Variants in BLACAT1 observed in about 807,000 individuals in gnomAD.
BLACAT1 encodes the protein bladder cancer associated transcript 1.
chr1:205,452,441 G>C (rs1346165460), intron 1 of BLACAT1, among the ~76,000 whole-genome samples: 1 of 152,220 alleles, frequency 6.6e-6, no homozygotes, highest in Non-Finnish European at 1.5e-5. Context: ...GTCCAAGAAA[G>C]GAAAGAAGTA....
intron 1 of BLACAT1, among the ~76,000 whole-genome samples, chr1:205,443,270 A>G (rs1666326005): frequency 6.6e-6 from 1 of 152,204 alleles, no homozygotes; most frequent in Non-Finnish European, 1.5e-5. Flanking sequence ...GGTGCAGCTC[A>G]GGGTCTCTGG....
intron 1 of BLACAT1, among the ~76,000 whole-genome samples, chr1:205,443,346 A>G (rs74141211): frequency 0.02 from 3,033 of 152,038 alleles, 77 homozygotes; most frequent in African/African-American, 0.051. Flanking sequence ...TTCTTTCTTA[A>G]AAACAGCAGA....
chr1:205,436,555 C>T (rs3795552), downstream of BLACAT1: 7,105 of 152,228 alleles, frequency 0.047, 210 homozygotes, highest in Middle Eastern at 0.12. Flanking sequence ...GGCAGATACC[C>T]TTGTCAGCAA....
chr1:205,446,561 T>A (rs1213337285), intron 1 of BLACAT1, among the ~76,000 whole-genome samples: 1 of 152,226 alleles, frequency 6.6e-6, no homozygotes, highest in Non-Finnish European at 1.5e-5. Context: ...AACAACAGGA[T>A]TCCCGGGAGG....
chr1:205,440,071 G>A (rs1666267862), exon 2 of BLACAT1, among the ~76,000 whole-genome samples: 1 of 152,098 alleles, frequency 6.6e-6, no homozygotes, highest in African/African-American at 2.4e-5. Flanking sequence ...TGGCTTCTGA[G>A]GAGAGAAGAA....
At chr1:205,454,068 G>A (rs1385764152) in intron 1 of BLACAT1, among the ~76,000 whole-genome samples, 2 of 152,172 alleles carry the variant, frequency 1.3e-5, no homozygotes, top group East Asian at 3.9e-4. Flanking sequence ...CTTGGAGGAG[G>A]AGGCAGACAG....
At chr1:205,440,788 G>C (rs2102464538) in exon 2 of BLACAT1, 1 of 152,680 alleles carries the variant, frequency 6.5e-6, no homozygotes, top group South Asian at 2.1e-4. Flanking sequence ...CCTCGGGTGA[G>C]AGTCAGGCTG....
Position 205,441,184 on chromosome 1 carries a change from G to C in BLACAT1, c.-36-122C>G, listed in dbSNP as rs1666288198. 1 of 152,264 alleles carries C rather than the reference G, an allele frequency of 6.6e-6. No individual in the cohort carries two copies. The highest frequency in any genetic ancestry group is 1.5e-5 in the Non-Finnish European group (1 of 68,128). The allele number at this position is 152,264 out of a possible 1,614,324, so 9.4% of individuals were successfully genotyped here. On this transcript the variant is annotated intron_variant, in intron 1 of 1. Transcript: ENST00000629624. This position sits in a 1 kb window ranked among gnomAD's most constrained non-coding sequence, Gnocchi z 4.3. Reference sequence around the variant, plus strand: ...CCAGTCATTGCCACTCCCTGAGGCGGCCCGCTAGGTCTCTCACACCGGCTG... The same window carrying C: ...CCAGTCATTGCCACTCCCTGAGGCGCCCCGCTAGGTCTCTCACACCGGCTG...
intron 1 of BLACAT1, among the ~76,000 whole-genome samples, chr1:205,444,665 G>T (rs1666352642): frequency 6.6e-6 from 1 of 152,184 alleles, no homozygotes; most frequent in South Asian, 2.1e-4. Context: ...CCCCAGGCTT[G>T]CAGACCACAA....
intron 1 of BLACAT1, among the ~76,000 whole-genome samples, chr1:205,442,648 G>A (rs1666313865): frequency 6.6e-6 from 1 of 152,196 alleles, no homozygotes; most frequent in Admixed American, 6.5e-5. Flanking sequence ...AGGAGGCCCA[G>A]CTTGAGTCAG....
rs1319992687 is a variant in BLACAT1, at chr1:205,441,494, C to T, written c.-36-432G>A. On this transcript the variant is annotated intron_variant, in intron 1 of 1. Coordinates refer to ENST00000629624, the Ensembl canonical transcript of BLACAT1. This position sits in a 1 kb window ranked among gnomAD's most constrained non-coding sequence, Gnocchi z 4.3. ...GGCTTCCACTCGCTTCTGCAGGTTG[C>T]ACACACGACAGGCCCTCCTCCATCC... Among the ~76,000 whole-genome samples the T allele has an allele frequency of 6.6e-6, 1 of 152,212 alleles. No individual in the cohort carries two copies. Among genetic ancestry groups the T allele is most frequent in the African/African-American group, 2.4e-5 (1 of 41,450 alleles).
chr1:205,452,867 T>C (rs1666514699), intron 1 of BLACAT1, among the ~76,000 whole-genome samples: 1 of 152,210 alleles, frequency 6.6e-6, no homozygotes, highest in Non-Finnish European at 1.5e-5. Context: ...CTATGGATGT[T>C]GGCTGAATGG....
chr1:205,453,305 G>C (rs1666520157), intron 1 of BLACAT1, among the ~76,000 whole-genome samples: 1 of 152,180 alleles, frequency 6.6e-6, no homozygotes, highest in African/African-American at 2.4e-5. Flanking sequence ...CAGTGTGCTT[G>C]CTACGGAGAA....
chr1:205,447,018 G>A (rs939766714), intron 1 of BLACAT1, among the ~76,000 whole-genome samples: 8 of 152,236 alleles, frequency 5.3e-5, no homozygotes, highest in Non-Finnish European at 8.8e-5. Context: ...ATTTGTGGAC[G>A]TGCATCCAAT....
chr1:205,446,141 T>C (rs1666384202), intron 1 of BLACAT1, among the ~76,000 whole-genome samples: 3 of 152,332 alleles, frequency 2.0e-5, no homozygotes, highest in South Asian at 4.1e-4. Flanking sequence ...AGAAGGGACA[T>C]GAGGGCAACT....
At chr1:205,452,860 T>C (rs561264776) in intron 1 of BLACAT1, among the ~76,000 whole-genome samples, 1 of 152,296 alleles carries the variant, frequency 6.6e-6, no homozygotes, top group Non-Finnish European at 1.5e-5. Context: ...CATTATTCTA[T>C]GGATGTTGGC....
intron 1 of BLACAT1, among the ~76,000 whole-genome samples, chr1:205,447,536 C>A (rs34277475): frequency 0.15 from 22,881 of 152,036 alleles, 2,001 homozygotes; most frequent in East Asian, 0.28. Flanking sequence ...CTGTTGGAAT[C>A]TTCCAGGATG....
downstream of BLACAT1, chr1:205,435,755 G>A (rs1666194750): frequency 6.6e-6 from 1 of 152,222 alleles, no homozygotes; most frequent in Non-Finnish European, 1.5e-5. Context: ...CTCTTTTCCA[G>A]TCTCTCAGGG....
In BLACAT1 at chr1:205,450,103, TG is replaced by T. The variant is rs1452601847; in HGVS notation, c.-37+5813del. Among the ~76,000 whole-genome samples the T allele has an allele frequency of 6.6e-6, 1 of 151,114 alleles. No individual in the cohort carries two copies. The highest frequency in any genetic ancestry group is 1.5e-5 in the Non-Finnish European group (1 of 67,812). On this transcript the variant is annotated intron_variant, in intron 1 of 1. Coordinates refer to ENST00000629624, the Ensembl canonical transcript of BLACAT1. This position sits in a 1 kb window ranked among gnomAD's most constrained non-coding sequence, Gnocchi z 4.4. Reference sequence around the variant, plus strand: ...GCCCCTCCCCCAGCCCTGAGGACGGTGGGGGTGGGGGTGGGGGCGGGCTGGG... The same window carrying T: ...GCCCCTCCCCCAGCCCTGAGGACGGTGGGGTGGGGGTGGGGGCGGGCTGGG...
Sources: gnomAD v4.1 joint callset for allele counts (sites outside exome capture counted in the v4.1 genomes callset) on GRCh38, gnomAD v4.1.1 for gene constraint, Gnocchi (gnomAD v3.1) non-coding constraint, MANE v1.5 for transcripts, NCBI Gene and HGNC (gene_info 2026-07-23, HGNC 2026-07-21) for gene names.